Variants in LHFPL3 observed in about 807,000 individuals in gnomAD.
LHFPL3 encodes the protein LHFPL tetraspan subfamily member 3.
In LHFPL3, 5 loss-of-function variants were observed where a neutral mutation model predicts 19.3. The ratio of observed to expected loss-of-function variants is 0.26; its 90% CI spans 0.14 to 0.54. The LOEUF (loss-of-function observed/expected upper bound fraction) is 0.54, where lower values mean the gene tolerates loss of function less well. Among genes scored for constraint, LHFPL3 ranks in the 20% least tolerant of loss-of-function variants. The pLI, the probability that LHFPL3 is intolerant of heterozygous loss-of-function variation, is 0.94. For missense variants in LHFPL3, 249 were observed against 307.4 expected (o/e 0.81, Z 1.42); for synonymous variants, 133 against 126.2 (o/e 1.05, Z -0.36).
At chr7:104,846,592 C>T (rs1791317799) in intron 2 of LHFPL3, among the ~76,000 whole-genome samples, 1 of 150,910 alleles carries the variant, frequency 6.6e-6, no homozygotes. Flanking sequence ...AAGTAACTTG[C>T]CCAAGATGGT....
At chr7:104,573,476 T>A (rs1438792137) in intron 1 of LHFPL3, among the ~76,000 whole-genome samples, 1 of 151,780 alleles carries the variant, frequency 6.6e-6, no homozygotes, top group Non-Finnish European at 1.5e-5. Flanking sequence ...CAGGTAGTGA[T>A]TGGCTATTAA....
At chr7:104,543,343 G>C (rs1286483444) in intron 1 of LHFPL3, among the ~76,000 whole-genome samples, 2 of 152,002 alleles carry the variant, frequency 1.3e-5, no homozygotes, top group Non-Finnish European at 2.9e-5. Context: ...AACCATTGTG[G>C]AAGTCAGTGT....
chr7:104,660,786 G>A (rs1048712065), intron 1 of LHFPL3, among the ~76,000 whole-genome samples: 1 of 151,990 alleles, frequency 6.6e-6, no homozygotes, highest in Non-Finnish European at 1.5e-5. Flanking sequence ...AGCCCTTTAG[G>A]CATCAATATT....
chr7:104,610,954 C>T (rs1584437664), intron 1 of LHFPL3, among the ~76,000 whole-genome samples: 1 of 152,266 alleles, frequency 6.6e-6, no homozygotes, highest in Non-Finnish European at 1.5e-5. Context: ...AACCATCTAG[C>T]CATTTTTTTC....
chr7:104,866,941 T>C (rs1791735191), intron 2 of LHFPL3, among the ~76,000 whole-genome samples: 1 of 152,178 alleles, frequency 6.6e-6, no homozygotes, highest in Non-Finnish European at 1.5e-5. Context: ...ACTGCTCAAC[T>C]ACATGGAAAC....
chr7:104,565,605 T>A (rs1266590966), intron 1 of LHFPL3, among the ~76,000 whole-genome samples: 1 of 152,186 alleles, frequency 6.6e-6, no homozygotes, highest in Non-Finnish European at 1.5e-5. Flanking sequence ...AGATTACTTA[T>A]GGCCTGGTAC....
chr7:104,645,654 C>CTTTTTTTTT (rs869151153), intron 1 of LHFPL3, among the ~76,000 whole-genome samples: 2 of 81,612 alleles, frequency 2.5e-5, no homozygotes, highest in African/African-American at 1.0e-4. Flanking sequence ...ATTGGGTTTT[C>CTTTTTTTTT]TTTTTTTTTT....
Position 104,858,103 on chromosome 7 carries a change from G to C in LHFPL3, c.683-48084G>C, listed in dbSNP as rs139824334. On this transcript the variant is annotated intron_variant, in intron 2 of 2. Coordinates refer to ENST00000424859, the MANE Select transcript of LHFPL3 (RefSeq NM_199000.3). The stretch of plus-strand genomic sequence containing the variant: ...CCCATTTAACATTACAGGTGTTTCA[G>C]GACTGTTGGAGGATTCCTGGGGCAA... Among the ~76,000 whole-genome samples the C allele has an allele frequency of 5.6e-3, 849 of 152,248 alleles. 8 individuals are homozygous for C. The highest frequency in any genetic ancestry group is 0.02 in the African/African-American group (814 of 41,516).
At chr7:104,785,968 T>C (rs1010136390) in intron 2 of LHFPL3, among the ~76,000 whole-genome samples, 4 of 152,164 alleles carry the variant, frequency 2.6e-5, no homozygotes, top group African/African-American at 9.7e-5. Flanking sequence ...ATTTGCCAAA[T>C]TGCAAACACA....
intron 1 of LHFPL3, among the ~76,000 whole-genome samples, chr7:104,533,418 C>T (rs187844997): frequency 5.9e-5 from 9 of 152,322 alleles, no homozygotes; most frequent in Admixed American, 2.6e-4. Flanking sequence ...CACCTACTCT[C>T]AGAGTTTTAG....
At chr7:104,488,469 C>A (rs1316379842) in intron 1 of LHFPL3, among the ~76,000 whole-genome samples, 4 of 152,030 alleles carry the variant, frequency 2.6e-5, no homozygotes, top group Non-Finnish European at 4.4e-5. Flanking sequence ...TTATCTGGTC[C>A]ACTTGATTTT....
chr7:104,455,606 A>G (rs1792523543), intron 1 of LHFPL3, among the ~76,000 whole-genome samples: 1 of 152,182 alleles, frequency 6.6e-6, no homozygotes, highest in Admixed American at 6.5e-5. Context: ...TTGTAATCCC[A>G]GCTACTTGGG....
At chr7:104,331,154 A>G (rs988605390) in intron 1 of LHFPL3, among the ~76,000 whole-genome samples, 4 of 152,172 alleles carry the variant, frequency 2.6e-5, no homozygotes, top group Non-Finnish European at 5.9e-5. Flanking sequence ...CAACCATTAC[A>G]AGGTTTTTTT....
intron 2 of LHFPL3, among the ~76,000 whole-genome samples, chr7:104,859,138 G>C (rs1384475405): frequency 6.6e-6 from 1 of 151,588 alleles, no homozygotes; most frequent in African/African-American, 2.4e-5. Context: ...GTGTTGGCAG[G>C]TGCCTGTAAT....
intron 1 of LHFPL3, among the ~76,000 whole-genome samples, chr7:104,478,947 G>A (rs1259946789): frequency 6.6e-6 from 1 of 152,174 alleles, no homozygotes; most frequent in Admixed American, 6.5e-5. Context: ...TTTAAGAGTT[G>A]TGCAGAACAA....
At chr7:104,599,792 T>G (rs962491553) in intron 1 of LHFPL3, among the ~76,000 whole-genome samples, 1 of 152,200 alleles carries the variant, frequency 6.6e-6, no homozygotes, top group African/African-American at 2.4e-5. Flanking sequence ...GTATGTGGTC[T>G]CTCTTATTTT....
chr7:104,901,123 A>G (rs917998517), intron 2 of LHFPL3, among the ~76,000 whole-genome samples: 1 of 152,240 alleles, frequency 6.6e-6, no homozygotes, highest in African/African-American at 2.4e-5. Flanking sequence ...AGTGATGGCC[A>G]CATCTGGAGA....
At chr7:104,467,488 T>C (rs4520098) in intron 1 of LHFPL3, among the ~76,000 whole-genome samples, 120,018 of 152,170 alleles carry the variant, frequency 0.79, 47,670 homozygotes, top group East Asian at 0.88. Context: ...CTGTAAAGTT[T>C]TGTGAAGTGC....
In LHFPL3 at chr7:104,906,268, T is replaced by C; in HGVS notation, c.*53T>C. 1 of 1,566,732 alleles carries C rather than the reference T, an allele frequency of 6.4e-7. No individual in the cohort carries two copies. The highest frequency in any genetic ancestry group is 1.2e-5 in the South Asian group (1 of 86,420). ...ACAAATCGAATAACAGCTAAACGAA[T>C]CGAATAACAGCTTTTGTACATCAAC... is the stretch of plus-strand genomic sequence containing the variant. On this transcript the variant is annotated 3_prime_UTR_variant, in exon 3 of 3. Transcript: ENST00000424859.
Sources: allele counts gnomAD v4.1 joint callset (sites outside exome capture counted in the v4.1 genomes callset), GRCh38; gene constraint gnomAD v4.1.1; transcripts MANE v1.5; gene names NCBI Gene and HGNC (gene_info 2026-07-23, HGNC 2026-07-21).